DNAAF4: variants seen among roughly 807,000 people sequenced by gnomAD.
DNAAF4 encodes dynein axonemal assembly factor 4, also known as dynein assembly factor 4, axonemal.
Under a neutral mutation model 51.8 loss-of-function variants are expected in DNAAF4, and 43 were observed. That is an observed-to-expected ratio of 0.83 (90% CI 0.65 to 1.07). The LOEUF (loss-of-function observed/expected upper bound fraction) is 1.07. DNAAF4 is among the 50% of genes least tolerant of loss of function. The probability of loss-of-function intolerance (pLI) is 0.00; values close to 1 mark genes in which losing one functional copy is unlikely to be tolerated. For missense variants in DNAAF4, 581 were observed against 493.0 expected (o/e 1.18, Z -1.69); for synonymous variants, 194 against 165.6 (o/e 1.17, Z -1.32).
intron 5 of DNAAF4, among the ~76,000 whole-genome samples, chr15:55,455,413 T>TATATATATATATA (rs2058004968): frequency 7.8e-5 from 11 of 141,736 alleles, no homozygotes; most frequent in South Asian, 4.5e-4. Context: ...TATATATATA[T>TATATATATATATA]TCAATCTAAA....
Position 55,450,240 on chromosome 15 carries a change from T to C in DNAAF4, c.765A>G (p.Gln255=), listed in dbSNP as rs376719715. ...TATATACCTCCTCCTCTTCTGCTAC[T>C]TGTGATTCACGAAGAGCTGTTGGGA... The part of the protein sequence containing the change: ...RVFPTALRES[Q]VAEEEEWLHK... The change falls in exon 6 of 10, where the codon CAA becomes CAG. Residue 255 remains glutamine (Q), a synonymous_variant. Transcript: ENST00000321149. 3.7e-6 allele frequency: 6 copies of C among 1,612,306 alleles called. No homozygotes were observed. The African/African-American group carries it at 8.0e-5, about 22-fold the overall frequency.
chr15:55,455,132 T>A (rs576445433), intron 5 of DNAAF4, among the ~76,000 whole-genome samples: 85 of 148,114 alleles, frequency 5.7e-4, no homozygotes, highest in African/African-American at 1.4e-3. Context: ...TTTTTTTTTT[T>A]AAAAAAACCT....
At chr15:55,485,444 G>A (rs2058474111) in intron 4 of DNAAF4, among the ~76,000 whole-genome samples, 1 of 152,134 alleles carries the variant, frequency 6.6e-6, no homozygotes, top group East Asian at 1.9e-4. Context: ...AGGTCCTATG[G>A]CATTAAATAG....
At position 55,434,998 on chromosome 15, in the gene DNAAF4, T is replaced by A. The variant is rs754055951; in HGVS notation, c.954A>T (p.Arg318Ser). ...AAINAYNLAI[R>S]LNNKMPLLYL... Reference sequence around the variant, plus strand: ...ACAATAGTGGCATCTTATTATTTAGTCTTATGGCTAAATTATATGCATTGA... The same window carrying A: ...ACAATAGTGGCATCTTATTATTTAGACTTATGGCTAAATTATATGCATTGA... The change falls in exon 8 of 10, where the codon AGA becomes AGT. Residue 318 changes from arginine (R) to serine (S), a missense_variant. Coordinates refer to ENST00000321149, the MANE Select transcript of DNAAF4 (RefSeq NM_130810.4). 1 of 1,612,612 alleles carries A rather than the reference T, an allele frequency of 6.2e-7. No homozygotes were observed. The highest frequency in any genetic ancestry group is 8.5e-7 in the Non-Finnish European group (1 of 1,179,608).
chr15:55,447,237 TCCCCACTTCCCA>T (rs1413315626), intron 6 of DNAAF4, among the ~76,000 whole-genome samples: 1 of 146,446 alleles, frequency 6.8e-6, no homozygotes, highest in African/African-American at 2.6e-5. Context: ...GCAGAGGCGC[TCCCCACTTCCCA>T]GATGGGGTGG....
In DNAAF4 at chr15:55,441,365, C is replaced by T. The variant is rs908987447; in HGVS notation, c.784-1784G>A. Among the ~76,000 whole-genome samples the T allele has an allele frequency of 3.3e-5, 5 of 152,188 alleles. No individual in the cohort carries two copies. In the South Asian group the frequency reaches 1.0e-3, roughly 32 times the overall value. The stretch of plus-strand genomic sequence containing the variant: ...GATTACAGGCGTGAGCCACCATGCC[C>T]AGCCCATGTGATTATTATTTTATCT... On this transcript the variant is annotated intron_variant, in intron 6 of 9. Transcript: ENST00000321149.
intron 4 of DNAAF4, among the ~76,000 whole-genome samples, chr15:55,473,202 T>TAC (rs1567023307): frequency 3.5e-5 from 2 of 56,998 alleles, no homozygotes; most frequent in Non-Finnish European, 7.3e-5. Context: ...AAAAAAAATA[T>TAC]ATATATATAT....
intron 7 of DNAAF4, among the ~76,000 whole-genome samples, chr15:55,423,772 G>A (rs1595884231): frequency 2.6e-5 from 4 of 152,098 alleles, no homozygotes; most frequent in African/African-American, 9.7e-5. Context: ...GGCCAATATG[G>A]TGAAATGCTG....
intron 4 of DNAAF4, among the ~76,000 whole-genome samples, chr15:55,471,445 C>A (rs1330718630): frequency 1.3e-5 from 2 of 151,930 alleles, no homozygotes; most frequent in Non-Finnish European, 2.9e-5. Context: ...GAGCTCTATG[C>A]TAATAACAAG....
At chr15:55,457,135 T>C (rs2058032050) in intron 5 of DNAAF4, among the ~76,000 whole-genome samples, 1 of 152,142 alleles carries the variant, frequency 6.6e-6, no homozygotes, top group African/African-American at 2.4e-5. Context: ...TCTTGCTTTC[T>C]CAGTGGCAAG....
At chr15:55,491,393 A>G (rs2058569197) in intron 3 of DNAAF4, 137 bp from the exon 4 acceptor site, 2 of 868,282 alleles carry the variant, frequency 2.3e-6, no homozygotes, top group East Asian at 2.7e-5. Context: ...ATATTTTTCA[A>G]TATTAAACTG....
intron 6 of DNAAF4, chr15:55,443,175 G>A: frequency 6.2e-7 from 1 of 1,610,452 alleles, no homozygotes; most frequent in East Asian, 2.2e-5. Flanking sequence ...ACTGGTCAAA[G>A]AGCAGTCTTA....
Position 55,445,061 on chromosome 15 carries a change from A to C in DNAAF4, c.783+5161T>G, listed in dbSNP as rs903320929. On this transcript the variant is annotated intron_variant, in intron 6 of 9. Transcript: ENST00000321149. Reference sequence around the variant, plus strand: ...TTTTTTTTTTTTTTTTTTAGTATTTATTGATCATTCTTGGGTGTTTCTCAG... The same window carrying C: ...TTTTTTTTTTTTTTTTTTAGTATTTCTTGATCATTCTTGGGTGTTTCTCAG... Among the ~76,000 whole-genome samples, 21 of 54,516 alleles carry C rather than the reference A, an allele frequency of 3.9e-4. No homozygotes were observed. In the South Asian group the frequency reaches 0.011, roughly 27 times the overall value. The allele number at this position is 54,516 out of a possible 152,430, so 35.8% of individuals were successfully genotyped here.
chr15:55,496,583 AAAGTT>A (rs968454994), intron 3 of DNAAF4, among the ~76,000 whole-genome samples: 1 of 152,206 alleles, frequency 6.6e-6, no homozygotes, highest in African/African-American at 2.4e-5. Context: ...CACCTAACGC[AAAGTT>A]AAGTACTCAA....
At chr15:55,460,807 C>T (rs1353936637) in intron 5 of DNAAF4, among the ~76,000 whole-genome samples, 1 of 151,820 alleles carries the variant, frequency 6.6e-6, no homozygotes, top group African/African-American at 2.4e-5. Context: ...CTTTGTCACC[C>T]AGGCTGGAGT....
intron 3 of DNAAF4, among the ~76,000 whole-genome samples, chr15:55,496,054 C>T (rs2058636671): frequency 6.6e-6 from 1 of 152,162 alleles, no homozygotes; most frequent in Non-Finnish European, 1.5e-5. Flanking sequence ...TATAGTGAAA[C>T]CTTGTCTCTA....
At chr15:55,496,778 C>G (rs1401844296) in intron 3 of DNAAF4, among the ~76,000 whole-genome samples, 1 of 151,414 alleles carries the variant, frequency 6.6e-6, no homozygotes, top group Non-Finnish European at 1.5e-5. Flanking sequence ...TGAATGAGTT[C>G]AGGATATGCC....
chr15:55,419,611 A>T (rs78135198), intron 7 of DNAAF4, among the ~76,000 whole-genome samples: 27,056 of 152,158 alleles, frequency 0.18, 4,152 homozygotes, highest in African/African-American at 0.42. Flanking sequence ...ATTTATTGAT[A>T]GATTGAGCAA....
At chr15:55,495,593 G>A (rs974707787) in intron 3 of DNAAF4, among the ~76,000 whole-genome samples, 2 of 152,066 alleles carry the variant, frequency 1.3e-5, no homozygotes, top group African/African-American at 4.8e-5. Flanking sequence ...CAATTACCTA[G>A]GTGTTTTGGT....
Sources: allele counts gnomAD v4.1 joint callset (sites outside exome capture counted in the v4.1 genomes callset), GRCh38; gene constraint gnomAD v4.1.1; transcripts MANE v1.5; gene names NCBI Gene and HGNC (gene_info 2026-07-23, HGNC 2026-07-21).